PPP3R1: variants seen among roughly 807,000 people sequenced by gnomAD.
The protein encoded by PPP3R1 is protein phosphatase 3 regulatory subunit B, alpha.
A neutral mutation model predicts 22.6 loss-of-function variants in PPP3R1; 5 were observed. That is an observed-to-expected ratio of 0.22 (90% confidence interval 0.12 to 0.46). The LOEUF (loss-of-function observed/expected upper bound fraction) is 0.46. PPP3R1 is among the 20% of genes least tolerant of loss of function. PPP3R1 has a pLI of 0.99. For synonymous variants in PPP3R1, 56 were observed against 65.2 expected (o/e 0.86, Z 0.68); for missense variants, 61 against 203.2 (o/e 0.30, Z 4.25).
chr2:68,198,993 T>A (rs942395198), intron 2 of PPP3R1, among the ~76,000 whole-genome samples: 2 of 152,194 alleles, frequency 1.3e-5, no homozygotes, highest in African/African-American at 4.8e-5. Context: ...AGATGGAGTT[T>A]TGCTCTGTCA....
rs1670384735 is a variant in PPP3R1 at position 68,252,292 on chromosome 2, G to A, written c.-165C>T. ...GAGGCGGCGCCGCGGGGCCCGCGCC[G>A]GCCGGGCGATTGGGCACGCGAGGGA... is the stretch of plus-strand genomic sequence containing the variant. On this transcript the variant is annotated 5_prime_UTR_variant, in exon 1 of 6. Coordinates refer to ENST00000234310, the MANE Select transcript of PPP3R1 (RefSeq NM_000945.4). The A allele has an allele frequency of 9.7e-7, 1 of 1,031,360 alleles. No individual in the cohort carries two copies. Among genetic ancestry groups the A allele is most frequent in the Non-Finnish European group, 1.2e-6 (1 of 861,214 alleles). The allele number at this position is 1,031,360 out of a possible 1,614,324, so 63.9% of individuals were successfully genotyped here.
chr2:68,224,383 G>C (rs1351143915), intron 1 of PPP3R1, among the ~76,000 whole-genome samples: 5 of 152,152 alleles, frequency 3.3e-5, no homozygotes, highest in Non-Finnish European at 7.4e-5. Flanking sequence ...ATGAAGGGCT[G>C]GGTGCGGTAG....
intron 1 of PPP3R1, among the ~76,000 whole-genome samples, chr2:68,228,635 C>T (rs779786780): frequency 6.6e-6 from 1 of 151,868 alleles, no homozygotes; most frequent in Non-Finnish European, 1.5e-5. Flanking sequence ...TCTATTGTTT[C>T]TGTTTTTTAT....
chr2:68,247,519 T>C (rs1290553466), intron 1 of PPP3R1, among the ~76,000 whole-genome samples: 1 of 152,230 alleles, frequency 6.6e-6, no homozygotes, highest in African/African-American at 2.4e-5. Flanking sequence ...CACAGCACTC[T>C]ATCCTATTGA....
chr2:68,229,969 C>CACAT lies in PPP3R1; in HGVS notation c.4-12842_4-12839dup, dbSNP rs1463467826. On this transcript the variant is annotated intron_variant, in intron 1 of 5. Coordinates refer to ENST00000234310, the MANE Select transcript of PPP3R1 (RefSeq NM_000945.4). The stretch of plus-strand genomic sequence containing the variant: ...ATATATGTGTGTGTGTATATATACA[C>CACAT]ACATACACACACACACACACACACA... Among the ~76,000 whole-genome samples, 6 of 68,942 alleles carry CACAT rather than the reference C, an allele frequency of 8.7e-5. No homozygotes were observed. The South Asian group carries it at 4.1e-3, about 47-fold the overall frequency. The allele number at this position is 68,942 out of a possible 152,430, so 45.2% of individuals were successfully genotyped here. A position where few individuals can be genotyped will look rare whatever the true frequency, so the allele number is the denominator to read the frequency against.
At chr2:68,222,114 T>C (rs1215496772) in intron 1 of PPP3R1, among the ~76,000 whole-genome samples, 2 of 152,156 alleles carry the variant, frequency 1.3e-5, no homozygotes, top group South Asian at 2.1e-4. Flanking sequence ...CTTTAAAATA[T>C]GACTTTTAAA....
chr2:68,179,833 T>TA lies in PPP3R1; in HGVS notation c.*1129dup, dbSNP rs1558624898. The TA allele has an allele frequency of 6.6e-6, 1 of 152,224 alleles. No homozygotes were observed. The highest frequency in any genetic ancestry group is 2.4e-5 in the African/African-American group (1 of 41,464). The allele number at this position is 152,224 out of a possible 1,614,324, so 9.4% of individuals were successfully genotyped here. On this transcript the variant is annotated 3_prime_UTR_variant, in exon 6 of 6. Coordinates refer to ENST00000234310, the MANE Select transcript of PPP3R1 (RefSeq NM_000945.4). ...TACAATTTTGCTCTTCTGTGGCATA[T>TA]AGATTAGCAAGATTTCTCACACTTA... is the stretch of plus-strand genomic sequence containing the variant.
At chr2:68,246,372 T>C (rs931294301) in intron 1 of PPP3R1, among the ~76,000 whole-genome samples, 7 of 151,814 alleles carry the variant, frequency 4.6e-5, no homozygotes, top group African/African-American at 1.7e-4. Context: ...CGTGCCCGGC[T>C]CTGACTTTTT....
intron 1 of PPP3R1, among the ~76,000 whole-genome samples, chr2:68,220,229 T>C (rs1669661389): frequency 6.6e-6 from 1 of 152,114 alleles, no homozygotes; most frequent in Non-Finnish European, 1.5e-5. Flanking sequence ...AAGTCAGAGA[T>C]ACATGAAGTT....
intron 1 of PPP3R1, among the ~76,000 whole-genome samples, chr2:68,219,778 A>C (rs558589236): frequency 6.6e-6 from 1 of 152,212 alleles, no homozygotes; most frequent in African/African-American, 2.4e-5. Context: ...CAAAACCATA[A>C]AATTATATCT....
intron 2 of PPP3R1, among the ~76,000 whole-genome samples, chr2:68,203,493 C>T (rs1449356030): frequency 6.6e-6 from 1 of 151,646 alleles, no homozygotes; most frequent in Non-Finnish European, 1.5e-5. Flanking sequence ...CCCAGCTACT[C>T]GGGAGGCTGA....
chr2:68,231,343 T>C (rs1669894189), intron 1 of PPP3R1, among the ~76,000 whole-genome samples: 1 of 152,184 alleles, frequency 6.6e-6, no homozygotes, highest in Admixed American at 6.5e-5. Flanking sequence ...ATGTCTTCTA[T>C]TTCTTTGCTG....
At chr2:68,182,080 T>TCCCCCCCCCCCCC (rs869089694) in intron 5 of PPP3R1, among the ~76,000 whole-genome samples, 1 of 37,400 alleles carries the variant, frequency 2.7e-5, no homozygotes, top group Non-Finnish European at 5.4e-5. Context: ...AACCCCCCCC[T>TCCCCCCCCCCCCC]CCCCCCACCA....
intron 2 of PPP3R1, among the ~76,000 whole-genome samples, chr2:68,216,453 T>C (rs1669580880): frequency 6.6e-6 from 1 of 151,708 alleles, no homozygotes. Flanking sequence ...TTCTATTTGT[T>C]CAAAAAATAA....
rs71395958 is a variant in PPP3R1, at chr2:68,202,792, ATTTTT to A, written c.44-14107_44-14103del. ...TAATATATACTAGAGAGTTCAGGGA[ATTTTT>A]TTTTTTTTTTTTTTTTTTTTTTTGA... On this transcript the variant is annotated intron_variant, in intron 2 of 5. Transcript: ENST00000234310. Among the ~76,000 whole-genome samples the A allele has an allele frequency of 7.0e-3, 569 of 81,136 alleles. 10 individuals carry two copies. The highest frequency in any genetic ancestry group is 0.029 in the South Asian group (65 of 2,250). 53.2% of individuals were successfully genotyped at this position (81,136 alleles called of 152,430 possible).
At chr2:68,241,785 A>G (rs1457073123) in intron 1 of PPP3R1, among the ~76,000 whole-genome samples, 8 of 151,148 alleles carry the variant, frequency 5.3e-5, no homozygotes, top group Non-Finnish European at 2.9e-5. Flanking sequence ...TGGAGGTTGC[A>G]GTGAACCGAG....
chr2:68,249,737 A>T (rs937452415), intron 1 of PPP3R1, among the ~76,000 whole-genome samples: 54 of 152,106 alleles, frequency 3.6e-4, no homozygotes, highest in Admixed American at 7.9e-4. Flanking sequence ...AGGAAAAAAA[A>T]AAATAAACTA....
chr2:68,209,589 C>G (rs1337064437), intron 2 of PPP3R1, among the ~76,000 whole-genome samples: 1 of 151,466 alleles, frequency 6.6e-6, no homozygotes, highest in Non-Finnish European at 1.5e-5. Context: ...CCGGACTCTA[C>G]AAAAAAATGT....
At chr2:68,194,002 C>T (rs1314880072) in intron 2 of PPP3R1, among the ~76,000 whole-genome samples, 1 of 152,090 alleles carries the variant, frequency 6.6e-6, no homozygotes, top group African/African-American at 2.4e-5. Context: ...CTCAGAGATA[C>T]TCTTTTTCAT....
Sources: allele counts gnomAD v4.1 joint callset (sites outside exome capture counted in the v4.1 genomes callset), GRCh38; gene constraint gnomAD v4.1.1; transcripts MANE v1.5; gene names NCBI Gene and HGNC (gene_info 2026-07-23, HGNC 2026-07-21).